The following OGG1 variants were observed in gnomAD, a reference collection of about 807,000 sequenced individuals.
OGG1 encodes 8-oxoguanine DNA glycosylase, also known as N-glycosylase/DNA lyase.
Under a neutral mutation model 42.3 loss-of-function variants are expected in OGG1, and 35 were observed. The observed-to-expected ratio is 0.83, with a 90% CI of 0.63 to 1.10. The LOEUF (loss-of-function observed/expected upper bound fraction) is 1.10. Ranked by LOEUF, OGG1 falls within the 50% of genes least tolerant of loss-of-function variation. OGG1 has a pLI of 0.00. For missense variants in OGG1, 484 were observed against 446.7 expected, an observed-to-expected ratio of 1.08 and a Z score of -0.75; for synonymous variants, 189 against 179.0, an observed-to-expected ratio of 1.06 and a Z score of -0.44.
chr3:9,762,995 C>G (rs748389831), intron 7 of OGG1: 1 of 1,614,152 alleles, frequency 6.2e-7, no homozygotes, highest in Non-Finnish European at 8.5e-7. Flanking sequence ...GGCTGGCGTC[C>G]CGCTCCGTGT....
At chr3:9,773,126 C>T (rs763342670) in intron 2 of OGG1, among the ~76,000 whole-genome samples, 3 of 151,236 alleles carry the variant, frequency 2.0e-5, no homozygotes, top group African/African-American at 7.3e-5. Flanking sequence ...CCACTTGGGA[C>T]GCTGAGGCAG....
At chr3:9,761,907 CAAG>C, downstream of OGG1, 1 of 1,224,752 alleles carries the variant, frequency 8.2e-7, no homozygotes. Context: ...AGGAAGCTCT[CAAG>C]AAGGCCAAAA....
chr3:9,765,242 A>T (rs2078099134), intron 7 of OGG1, among the ~76,000 whole-genome samples: 1 of 151,576 alleles, frequency 6.6e-6, no homozygotes, highest in Non-Finnish European at 1.5e-5. Flanking sequence ...AAAAAAAAAA[A>T]TTATCTGCCC....
chr3:9,753,367 A>G (rs1174857854), intron 3 of OGG1, among the ~76,000 whole-genome samples: 1 of 140,590 alleles, frequency 7.1e-6, no homozygotes, highest in Non-Finnish European at 1.5e-5. Flanking sequence ...AAAAAAAAAA[A>G]CCTGGCCGGG....
chr3:9,786,347 A>G (rs751026305), intron 3 of OGG1, among the ~76,000 whole-genome samples: 3 of 152,194 alleles, frequency 2.0e-5, no homozygotes, highest in Non-Finnish European at 4.4e-5. Flanking sequence ...TATGAGATAG[A>G]GACCTGCCCC....
At chr3:9,761,172 G>C, downstream of OGG1, 1 of 382,422 alleles carries the variant, frequency 2.6e-6, no homozygotes, top group African/African-American at 2.0e-5. Flanking sequence ...TCAGTTTGTA[G>C]ATTTATTTAC....
chr3:9,789,266 C>T (rs1178207451), downstream of OGG1, among the ~76,000 whole-genome samples: 1 of 152,212 alleles, frequency 6.6e-6, no homozygotes, highest in Admixed American at 6.6e-5. Context: ...GATAAAGGAA[C>T]ATGGGCAGAC....
intron 7 of OGG1, among the ~76,000 whole-genome samples, chr3:9,762,680 T>TA (rs556200287): frequency 7.4e-4 from 112 of 152,250 alleles, no homozygotes; most frequent in African/African-American, 2.6e-3. Context: ...TTTTTTTTTT[T>TA]AATCAGAAAA....
At chr3:9,787,743 A>G (rs1370062169) in exon 4 of OGG1, 1 of 1,281,402 alleles carries the variant, frequency 7.8e-7, no homozygotes, top group East Asian at 5.5e-5. Flanking sequence ...TTTTTAAGAA[A>G]TCAGATAAGT....
intron 3 of OGG1, among the ~76,000 whole-genome samples, chr3:9,752,772 C>T (rs1210954755): frequency 3.3e-5 from 5 of 152,158 alleles, no homozygotes; most frequent in East Asian, 1.9e-4. Context: ...CATTCCTGGC[C>T]GGGCGTGGTG....
chr3:9,750,124 T>A lies in OGG1; in HGVS notation c.-163T>A. On this transcript the variant is annotated 5_prime_UTR_variant, in exon 1 of 7. The change abolishes an upstream ATG in the 5' untranslated region. Coordinates refer to ENST00000344629, the MANE Select transcript of OGG1 (RefSeq NM_002542.6). ...TTGATGACCCGCAAAGGGCGAGGCA[T>A]GCAGGAGGTGGAGGAATTAAGTGAA... 1.1e-6 allele frequency: 1 copy of A among 905,062 alleles called. No individual in the cohort carries two copies. The highest frequency in any genetic ancestry group is 2.5e-5 in the East Asian group (1 of 39,234). The allele number at this position is 905,062 out of a possible 1,614,324, so 56.1% of individuals were successfully genotyped here.
At chr3:9,783,230 T>A (rs1045353669) in intron 3 of OGG1, 9 of 152,036 alleles carry the variant, frequency 5.9e-5, no homozygotes, top group African/African-American at 2.2e-4. Flanking sequence ...AAAAGAAGCA[T>A]GAAAAGACAA....
chr3:9,776,935 T>C (rs1377616191), intron 2 of OGG1, among the ~76,000 whole-genome samples: 3 of 152,214 alleles, frequency 2.0e-5, no homozygotes, highest in Admixed American at 6.5e-5. Flanking sequence ...TACAGTCCAC[T>C]GGACTTGGTT....
At chr3:9,767,580 A>G, downstream of OGG1, 1 of 1,553,722 alleles carries the variant, frequency 6.4e-7, no homozygotes, top group East Asian at 2.3e-5. Flanking sequence ...GCTGTGGGAA[A>G]CAGGAAGCAT....
downstream of OGG1, chr3:9,757,527 A>AG (rs1354423770): frequency 6.2e-7 from 1 of 1,609,932 alleles, no homozygotes; most frequent in South Asian, 1.1e-5. This position sits in a 1 kb window ranked among gnomAD's most constrained non-coding sequence, Gnocchi z 4.5. Flanking sequence ...TCATGACCCG[A>AG]GGTCCAGGGC....
chr3:9,750,375 G>C lies in OGG1; in HGVS notation c.89G>C (p.Arg30Pro), dbSNP rs1288465414. 1.2e-6 allele frequency: 2 copies of C among 1,614,026 alleles called. No individual in the cohort carries two copies. Among genetic ancestry groups the C allele is most frequent in the South Asian group, 1.1e-5 (1 of 91,092 alleles). ...CTGTGGGCCTCCATCCCGTGCCCTCGCTCTGAGCTGCGCCTGGACCTGGTT... is the reference window on the plus strand; with the variant it reads ...CTGTGGGCCTCCATCCCGTGCCCTCCCTCTGAGCTGCGCCTGGACCTGGTT... ...PALWASIPCP[R>P]SELRLDLVLP... Residue 30 changes from arginine to proline, a missense_variant, in exon 1 of 7, where the codon CGC (arginine) becomes CCC (proline). Arg to Pro is a moderately radical substitution (Grantham distance 103, BLOSUM62 -2). Transcript: ENST00000344629.
downstream of OGG1, among the ~76,000 whole-genome samples, chr3:9,769,259 A>C (rs997379379): frequency 6.6e-6 from 1 of 150,638 alleles, no homozygotes; most frequent in African/African-American, 2.4e-5. Flanking sequence ...ACACACACAC[A>C]CCCTCATATA....
At chr3:9,764,188 C>G (rs2078027651) in intron 7 of OGG1, among the ~76,000 whole-genome samples, 1 of 152,182 alleles carries the variant, frequency 6.6e-6, no homozygotes, top group South Asian at 2.1e-4. Context: ...GTAGTACTTC[C>G]CTCAAAGAGT....
downstream of OGG1, among the ~76,000 whole-genome samples, chr3:9,771,688 T>C (rs2078301320): frequency 6.6e-6 from 1 of 151,920 alleles, no homozygotes; most frequent in African/African-American, 2.4e-5. Context: ...CACTCTCCCC[T>C]ATACCCACCA....
Sources: allele counts gnomAD v4.1 joint callset (sites outside exome capture counted in the v4.1 genomes callset), GRCh38; gene constraint gnomAD v4.1.1; non-coding constraint Gnocchi (gnomAD v3.1); transcripts MANE v1.5; gene names NCBI Gene and HGNC (gene_info 2026-07-23, HGNC 2026-07-21).